The following MAPDA variants were observed in gnomAD, a reference collection of about 807,000 sequenced individuals.
MAPDA encodes the protein N6,N6-dimethyl-AMP deaminase.
the MAPDA span, chr15:43,345,809 A>G: frequency 6.2e-7 from 1 of 1,611,034 alleles, no homozygotes; most frequent in Non-Finnish European, 8.5e-7. Context: ...TGTCTTTTTC[A>G]TCTGTGTCAT....
the MAPDA span, among the ~76,000 whole-genome samples, chr15:43,344,008 T>A: frequency 6.6e-6 from 1 of 151,942 alleles, no homozygotes; most frequent in Non-Finnish European, 1.5e-5. Flanking sequence ...TTCAGTAGGC[T>A]AAAAAAAGTA....
the MAPDA span, among the ~76,000 whole-genome samples, chr15:43,344,090 C>T: frequency 6.6e-6 from 1 of 151,966 alleles, no homozygotes; most frequent in Non-Finnish European, 1.5e-5. Flanking sequence ...AAATCCTGCA[C>T]TGGTACACAG....
chr15:43,330,371 A>T, the MAPDA span: 3 of 1,589,016 alleles, frequency 1.9e-6, no homozygotes, highest in East Asian at 4.6e-5. Flanking sequence ...CGGAACCAGC[A>T]ACGCGGCAAA....
chr15:43,336,801 C>G, the MAPDA span: 13 of 765,530 alleles, frequency 1.7e-5, no homozygotes, highest in Admixed American at 4.0e-5. Context: ...AATGTTTTCT[C>G]TATTATGGCA....
At chr15:43,334,633 T>TTATTTATATATA in the MAPDA span, among the ~76,000 whole-genome samples, 1 of 65,142 alleles carries the variant, frequency 1.5e-5, no homozygotes, top group Non-Finnish European at 4.7e-5. Context: ...CTCAAAAAAA[T>TTATTTATATATA]TATATATATA....
chr15:43,338,983 C>T, the MAPDA span, among the ~76,000 whole-genome samples: 17 of 152,316 alleles, frequency 1.1e-4, no homozygotes, highest in African/African-American at 3.9e-4. Flanking sequence ...CCGTATTCCT[C>T]GTTGTCAAAC....
chr15:43,352,596 A>T, the MAPDA span: 1 of 152,256 alleles, frequency 6.6e-6, no homozygotes, highest in Non-Finnish European at 1.5e-5. Flanking sequence ...AGTCCCAGCC[A>T]CCAGGGAGGC....
At chr15:43,334,668 A>G in the MAPDA span, among the ~76,000 whole-genome samples, 14 of 44,710 alleles carry the variant, frequency 3.1e-4, no homozygotes, top group East Asian at 6.6e-3. Flanking sequence ...TATATATTTT[A>G]TCCAAAGTAG....
the MAPDA span, chr15:43,348,924 A>G: frequency 1.2e-6 from 2 of 1,613,880 alleles, no homozygotes; most frequent in Non-Finnish European, 8.5e-7. Flanking sequence ...ACCAAAAAAA[A>G]GAAACACAAA....
At chr15:43,351,668 A>G in the MAPDA span, 5 of 1,343,570 alleles carry the variant, frequency 3.7e-6, no homozygotes, top group Admixed American at 7.7e-5. Flanking sequence ...AGTAAATAGG[A>G]AAATAGACTC....
At chr15:43,343,877 C>T in the MAPDA span, among the ~76,000 whole-genome samples, 1 of 150,516 alleles carries the variant, frequency 6.6e-6, no homozygotes, top group Non-Finnish European at 1.5e-5. Context: ...AAGTAATAAC[C>T]CCAATAAAAA....
the MAPDA span, among the ~76,000 whole-genome samples, chr15:43,350,291 G>T: frequency 6.6e-6 from 1 of 151,184 alleles, no homozygotes; most frequent in African/African-American, 2.4e-5. Flanking sequence ...TGTTAGCCAG[G>T]ATGGTCTCGA....
the MAPDA span, among the ~76,000 whole-genome samples, chr15:43,347,881 A>G: frequency 2.0e-4 from 30 of 152,316 alleles, no homozygotes; most frequent in Admixed American, 1.6e-3. Flanking sequence ...TCAGTAATCT[A>G]GTGGCAGGAC....
chr15:43,335,308 G>A, the MAPDA span: 1 of 816,184 alleles, frequency 1.2e-6, no homozygotes, highest in African/African-American at 1.7e-5. Flanking sequence ...GCCAAGGCGG[G>A]TGGATTCACC....
the MAPDA span, among the ~76,000 whole-genome samples, chr15:43,341,315 G>C: frequency 6.6e-6 from 1 of 152,188 alleles, no homozygotes; most frequent in Admixed American, 6.5e-5. Context: ...AGTAGTGAAA[G>C]GGAAGGAGAG....
chr15:43,352,080 C>G, the MAPDA span: 9 of 811,062 alleles, frequency 1.1e-5, no homozygotes, highest in Non-Finnish European at 3.8e-6. Context: ...GCACCTTACA[C>G]ATGGCAGGTA....
chr15:43,336,590 A>T, the MAPDA span: 1 of 1,512,982 alleles, frequency 6.6e-7, no homozygotes, highest in Non-Finnish European at 8.9e-7. Context: ...TTCTTTGATG[A>T]CTAGATTATG....
chr15:43,335,645 T>C, the MAPDA span: 1 of 1,545,218 alleles, frequency 6.5e-7, no homozygotes, highest in East Asian at 2.3e-5. Context: ...CTTGGTAAGA[T>C]GCTATGAATC....
At chr15:43,343,021 C>G in the MAPDA span, 1 of 1,587,726 alleles carries the variant, frequency 6.3e-7, no homozygotes, top group Non-Finnish European at 8.6e-7. Context: ...TATGTGGAAT[C>G]TATACTTGAA....
Sources: gnomAD v4.1 joint callset for allele counts (sites outside exome capture counted in the v4.1 genomes callset) on GRCh38, gnomAD v4.1.1 for gene constraint, MANE v1.5 for transcripts, NCBI Gene and HGNC (gene_info 2026-07-23, HGNC 2026-07-21) for gene names.